The following SCAPER variants were observed in gnomAD, a reference collection of about 807,000 sequenced individuals.
SCAPER encodes S phase cyclin A-associated protein in the endoplasmic reticulum.
SCAPER carries 98 observed loss-of-function variants against 182.2 expected under a neutral mutation model. That is an observed-to-expected ratio of 0.54 (90% CI 0.46 to 0.64). The LOEUF is 0.64. Ranked by LOEUF, SCAPER falls within the 30% of genes least tolerant of loss-of-function variation. The pLI, the probability that SCAPER is intolerant of heterozygous loss-of-function variation, is 0.00. For missense variants in SCAPER, 1,432 were observed against 1,690.0 expected, an observed-to-expected ratio of 0.85 and a Z score of 2.68; for synonymous variants, 605 against 564.6, an observed-to-expected ratio of 1.07 and a Z score of -1.01.
chr15:76,608,518 G>T (rs1039753886), intron 22 of SCAPER, among the ~76,000 whole-genome samples: 25 of 152,136 alleles, frequency 1.6e-4, no homozygotes, highest in Non-Finnish European at 2.8e-4. Flanking sequence ...GTTGCGTGCT[G>T]GGAGAACCAC....
chr15:76,526,862 T>A (rs150954102), intron 23 of SCAPER, among the ~76,000 whole-genome samples: 321 of 152,158 alleles, frequency 2.1e-3, no homozygotes, highest in African/African-American at 3.2e-3. Context: ...AATAGTTTTT[T>A]TTTTTATTTT....
At chr15:76,733,724 A>T (rs2061067269) in intron 15 of SCAPER, among the ~76,000 whole-genome samples, 1 of 152,196 alleles carries the variant, frequency 6.6e-6, no homozygotes. Flanking sequence ...ACTGCACTCC[A>T]GCCTGGGTGA....
At chr15:76,828,662 T>C (rs534229109) in intron 5 of SCAPER, among the ~76,000 whole-genome samples, 5 of 152,200 alleles carry the variant, frequency 3.3e-5, no homozygotes, top group Non-Finnish European at 7.3e-5. Context: ...ATATGCAGAA[T>C]AAGGCTAAGA....
At position 76,832,708 on chromosome 15, in the gene SCAPER, C is replaced by T. The variant is rs369666420; in HGVS notation, c.393+9026G>A. The stretch of plus-strand genomic sequence containing the variant: ...CATCCCTTTGGTGCTGTCCTCATGA[C>T]AGAGTTCTCACGAGATCTGGTTGCT... On this transcript the variant is annotated intron_variant, in intron 5 of 31. Coordinates refer to ENST00000563290, the MANE Select transcript of SCAPER (RefSeq NM_020843.4). 1.2e-4 allele frequency among the ~76,000 whole-genome samples: 18 copies of T among 152,264 alleles called. 1 individual carries two copies. The East Asian group carries it at 3.3e-3, about 28-fold the overall frequency.
intron 20 of SCAPER, among the ~76,000 whole-genome samples, chr15:76,688,990 A>C (rs1289601943): frequency 6.6e-6 from 1 of 151,818 alleles, no homozygotes; most frequent in African/African-American, 2.4e-5. Context: ...CTGGGACTAC[A>C]GGTGCTCGTC....
chr15:76,712,367 A>C (rs1282055986), intron 17 of SCAPER, among the ~76,000 whole-genome samples: 1 of 152,124 alleles, frequency 6.6e-6, no homozygotes, highest in Non-Finnish European at 1.5e-5. Flanking sequence ...GAAGTCAGGT[A>C]GTGTGATGCC....
At chr15:76,721,615 G>GT (rs1257760194) in intron 17 of SCAPER, among the ~76,000 whole-genome samples, 2 of 152,066 alleles carry the variant, frequency 1.3e-5, no homozygotes, top group Non-Finnish European at 2.9e-5. Flanking sequence ...GCAGTGGTTT[G>GT]TAGTTCTCCT....
intron 25 of SCAPER, 108 bp downstream of exon 25, chr15:76,471,104 T>C (rs565434991): frequency 2.4e-6 from 2 of 842,616 alleles, no homozygotes; most frequent in East Asian, 4.0e-5. Flanking sequence ...TCTTCTTTTT[T>C]TTTTTTTTCA....
At chr15:76,358,633 A>G (rs2041175954) in intron 29 of SCAPER, among the ~76,000 whole-genome samples, 1 of 152,204 alleles carries the variant, frequency 6.6e-6, no homozygotes, top group Non-Finnish European at 1.5e-5. Context: ...CATCAGTCCT[A>G]CTGGATTAGG....
intron 26 of SCAPER, among the ~76,000 whole-genome samples, chr15:76,408,881 G>T (rs1304743839): frequency 6.6e-6 from 1 of 152,054 alleles, no homozygotes; most frequent in African/African-American, 2.4e-5. Flanking sequence ...GCTTAGCTAG[G>T]TTTCCGGTAC....
intron 25 of SCAPER, among the ~76,000 whole-genome samples, chr15:76,456,057 T>C (rs950950170): frequency 2.0e-5 from 3 of 152,250 alleles, no homozygotes; most frequent in African/African-American, 7.2e-5. Flanking sequence ...ATTTTCTTTA[T>C]CCAGTCTATC....
intron 8 of SCAPER, among the ~76,000 whole-genome samples, chr15:76,778,439 T>C (rs145632972): frequency 6.5e-4 from 98 of 151,850 alleles, no homozygotes; most frequent in African/African-American, 2.2e-3. Context: ...TATGAGTAAA[T>C]CAAAAGAGAA....
At chr15:76,781,613 GAA>G (rs2064146165) in intron 8 of SCAPER, among the ~76,000 whole-genome samples, 1 of 152,154 alleles carries the variant, frequency 6.6e-6, no homozygotes, top group Non-Finnish European at 1.5e-5. Context: ...TGAAATGAAG[GAA>G]AAAGTGTTAA....
intron 27 of SCAPER, among the ~76,000 whole-genome samples, chr15:76,402,540 T>C (rs1032372127): frequency 1.3e-5 from 2 of 152,172 alleles, no homozygotes; most frequent in Non-Finnish European, 2.9e-5. Flanking sequence ...AGTGCTTTAC[T>C]TCCTTTTCTG....
intron 6 of SCAPER, among the ~76,000 whole-genome samples, chr15:76,803,023 T>G (rs2151521574): frequency 6.6e-6 from 1 of 152,290 alleles, no homozygotes; most frequent in East Asian, 1.9e-4. Flanking sequence ...TTGCTATATG[T>G]CAACCTTCCC....
At chr15:76,484,337 C>T (rs1567237855) in intron 24 of SCAPER, among the ~76,000 whole-genome samples, 1 of 151,954 alleles carries the variant, frequency 6.6e-6, no homozygotes, top group Admixed American at 6.6e-5. Context: ...CATAGAAATA[C>T]AAGCAGTAGA....
chr15:76,630,779 G>A (rs1374061882), intron 21 of SCAPER, among the ~76,000 whole-genome samples: 1 of 152,140 alleles, frequency 6.6e-6, no homozygotes. Flanking sequence ...CTGTTGTTTT[G>A]GGGTAGAGAA....
intron 17 of SCAPER, among the ~76,000 whole-genome samples, chr15:76,727,349 CA>C (rs980796850): frequency 1.3e-4 from 19 of 151,994 alleles, no homozygotes; most frequent in Admixed American, 8.5e-4. Flanking sequence ...TTCCAGACAC[CA>C]ACAATTATTA....
chr15:76,801,104 G>A (rs1412744123), intron 6 of SCAPER, among the ~76,000 whole-genome samples: 3 of 152,078 alleles, frequency 2.0e-5, no homozygotes, highest in African/African-American at 4.8e-5. Flanking sequence ...TAAATTATAC[G>A]TTTATTATCA....
Sources: gnomAD v4.1 joint callset for allele counts (sites outside exome capture counted in the v4.1 genomes callset) on GRCh38, gnomAD v4.1.1 for gene constraint, MANE v1.5 for transcripts, NCBI Gene and HGNC (gene_info 2026-07-23, HGNC 2026-07-21) for gene names.